Variants in LSAMP observed in about 807,000 individuals in gnomAD.
LSAMP encodes limbic system-associated membrane protein.
Under a neutral mutation model 38.6 loss-of-function variants are expected in LSAMP, and 7 were observed. The observed-to-expected ratio is 0.18, with a 90% CI of 0.10 to 0.34. The LOEUF (loss-of-function observed/expected upper bound fraction) is 0.34. Among genes scored for constraint, LSAMP ranks in the 10% least tolerant of loss-of-function variants. The pLI, the probability that LSAMP is intolerant of heterozygous loss-of-function variation, is 1.00. For synonymous variants in LSAMP, 154 were observed against 166.8 expected (o/e 0.92, Z 0.59); for missense variants, 313 against 420.0 (o/e 0.75, Z 2.23).
chr3:116,369,624 G>A (rs2048403439), intron 1 of LSAMP, among the ~76,000 whole-genome samples: 1 of 152,142 alleles, frequency 6.6e-6, no homozygotes, highest in Non-Finnish European at 1.5e-5. Flanking sequence ...AATTAGAGGT[G>A]TTAGTGAAAA....
At chr3:116,131,131 C>T (rs1465498835) in intron 1 of LSAMP, among the ~76,000 whole-genome samples, 1 of 151,952 alleles carries the variant, frequency 6.6e-6, no homozygotes. Flanking sequence ...ACTGGGACTA[C>T]AGGCGCCCTC....
At chr3:115,916,595 T>A (rs548988750) in intron 3 of LSAMP, among the ~76,000 whole-genome samples, 2 of 152,332 alleles carry the variant, frequency 1.3e-5, no homozygotes, top group Admixed American at 1.3e-4. Context: ...CATTTATTCA[T>A]CCATCCATTC....
At chr3:116,442,557 T>C (rs2049450934) in intron 1 of LSAMP, among the ~76,000 whole-genome samples, 1 of 152,146 alleles carries the variant, frequency 6.6e-6, no homozygotes, top group Non-Finnish European at 1.5e-5. Context: ...TTAAAGAGAT[T>C]GAGAAGAAGG....
At chr3:116,434,287 T>C (rs1372196315) in intron 1 of LSAMP, among the ~76,000 whole-genome samples, 1 of 152,212 alleles carries the variant, frequency 6.6e-6, no homozygotes, top group Non-Finnish European at 1.5e-5. Flanking sequence ...CAAATATTTA[T>C]TTGAGCATCC....
intron 1 of LSAMP, among the ~76,000 whole-genome samples, chr3:116,115,106 T>C (rs1009832049): frequency 6.6e-6 from 1 of 152,382 alleles, no homozygotes; most frequent in African/African-American, 2.4e-5. Context: ...TATGAAATTA[T>C]AAAATGAAAA....
intron 1 of LSAMP, among the ~76,000 whole-genome samples, chr3:116,233,652 C>A (rs1369669606): frequency 1.3e-5 from 2 of 151,912 alleles, no homozygotes; most frequent in Non-Finnish European, 2.9e-5. Context: ...CTCTGATAAT[C>A]ATCAAGCTAC....
chr3:116,194,724 T>C (rs1371493999), intron 1 of LSAMP, among the ~76,000 whole-genome samples: 2 of 152,174 alleles, frequency 1.3e-5, no homozygotes, highest in Non-Finnish European at 2.9e-5. Context: ...CCACTACGCC[T>C]CCTATCCTTC....
intron 1 of LSAMP, among the ~76,000 whole-genome samples, chr3:116,353,293 C>T (rs1208151500): frequency 1.3e-5 from 2 of 152,090 alleles, no homozygotes; most frequent in African/African-American, 4.8e-5. Context: ...TATTCGTCTA[C>T]TCTTTTAGTG....
At chr3:116,109,635 G>A (rs1055806628) in intron 1 of LSAMP, among the ~76,000 whole-genome samples, 1 of 152,186 alleles carries the variant, frequency 6.6e-6, no homozygotes, top group Admixed American at 6.5e-5. Context: ...TGGAACTACT[G>A]TCTAGTTTGT....
intron 3 of LSAMP, among the ~76,000 whole-genome samples, chr3:115,896,820 G>C (rs1043793298): frequency 1.3e-4 from 20 of 152,182 alleles, no homozygotes; most frequent in African/African-American, 4.8e-4. Context: ...AAATTTGAGG[G>C]AAGAGGGCTT....
intron 1 of LSAMP, among the ~76,000 whole-genome samples, chr3:116,232,269 A>C (rs1463571676): frequency 6.6e-6 from 1 of 152,180 alleles, no homozygotes; most frequent in African/African-American, 2.4e-5. Flanking sequence ...GGGCCATTTC[A>C]CTAGCATCAC....
chr3:115,805,182 G>C lies in LSAMP; in HGVS notation c.*5135C>G, dbSNP rs1933603121. Reference sequence around the variant, plus strand: ...TTCCCTCTATTTCCCTTGCTTTGGGGTCGGGTGAGACAACTACAGCAACAG... The same window carrying C: ...TTCCCTCTATTTCCCTTGCTTTGGGCTCGGGTGAGACAACTACAGCAACAG... On this transcript the variant is annotated 3_prime_UTR_variant, in exon 7 of 7. Transcript: ENST00000490035. The C allele has an allele frequency of 6.6e-6, 1 of 152,252 alleles. No homozygotes were observed. The highest frequency in any genetic ancestry group is 1.9e-4 in the East Asian group (1 of 5,170). The allele number at this position is 152,252 out of a possible 1,614,324, so 9.4% of individuals were successfully genotyped here.
chr3:115,934,331 C>T (rs1366947126), intron 3 of LSAMP, among the ~76,000 whole-genome samples: 4 of 151,940 alleles, frequency 2.6e-5, no homozygotes, highest in Non-Finnish European at 5.9e-5. Context: ...GCGCCCGCCA[C>T]CATGCCCGGC....
chr3:116,100,571 C>G (rs891404899), intron 1 of LSAMP, among the ~76,000 whole-genome samples: 30 of 152,156 alleles, frequency 2.0e-4, no homozygotes, highest in African/African-American at 7.0e-4. Flanking sequence ...TCATTTGTTA[C>G]CAGCATCACT....
chr3:115,993,466 T>A (rs535701581), intron 3 of LSAMP, among the ~76,000 whole-genome samples: 2 of 152,234 alleles, frequency 1.3e-5, no homozygotes, highest in South Asian at 2.1e-4. Context: ...GTTCAGATAA[T>A]CTTATTAACA....
In LSAMP at chr3:115,818,280, G is replaced by A. The variant is rs1934095920; in HGVS notation, c.920-7866C>T. Reference sequence around the variant, plus strand: ...GCATCAAGCCTCTTAGCTTATTATGGTAAGAATTTTTAAGAACCCCTTAAG... The same window carrying A: ...GCATCAAGCCTCTTAGCTTATTATGATAAGAATTTTTAAGAACCCCTTAAG... On this transcript the variant is annotated intron_variant, in intron 6 of 6. Transcript: ENST00000490035. 2.6e-5 allele frequency among the ~76,000 whole-genome samples: 4 copies of A among 152,118 alleles called. No individual in the cohort carries two copies. In the South Asian group the frequency reaches 8.3e-4, roughly 32 times the overall value.
intron 1 of LSAMP, among the ~76,000 whole-genome samples, chr3:116,088,388 T>C (rs977723446): frequency 6.6e-6 from 1 of 152,210 alleles, no homozygotes; most frequent in Non-Finnish European, 1.5e-5. Context: ...AGCACCAAGC[T>C]AACTTCATGA....
intron 1 of LSAMP, among the ~76,000 whole-genome samples, chr3:116,355,977 G>T (rs2048217486): frequency 6.6e-6 from 1 of 152,172 alleles, no homozygotes; most frequent in South Asian, 2.1e-4. Context: ...GACTGTTGGT[G>T]AGAATGTAAA....
chr3:116,260,219 C>G (rs2046806766), intron 1 of LSAMP, among the ~76,000 whole-genome samples: 1 of 152,016 alleles, frequency 6.6e-6, no homozygotes, highest in African/African-American at 2.4e-5. Flanking sequence ...GTAAATTTAA[C>G]TTTCCAAAGG....
Sources: gnomAD v4.1 joint callset for allele counts (sites outside exome capture counted in the v4.1 genomes callset) on GRCh38, gnomAD v4.1.1 for gene constraint, MANE v1.5 for transcripts, NCBI Gene and HGNC (gene_info 2026-07-23, HGNC 2026-07-21) for gene names.